The following ATRNL1 variants were observed in gnomAD, a reference collection of about 807,000 sequenced individuals.
The protein encoded by ATRNL1 is attractin-like protein 1.
In ATRNL1, 95 loss-of-function variants were observed where a neutral mutation model predicts 182.7. The observed-to-expected ratio is 0.52, with a 90% CI of 0.44 to 0.62. ATRNL1 has a LOEUF of 0.62. Among genes scored for constraint, ATRNL1 ranks in the 20% least tolerant of loss-of-function variants. The pLI, the probability that ATRNL1 is intolerant of heterozygous loss-of-function variation, is 0.00. For synonymous variants in ATRNL1, 576 were observed against 568.3 expected, an observed-to-expected ratio of 1.01 and a Z score of -0.19; for missense variants, 1,471 against 1,679.5, an observed-to-expected ratio of 0.88 and a Z score of 2.17.
chr10:115,919,996 T>C (rs1197811004), intron 28 of ATRNL1, among the ~76,000 whole-genome samples: 1 of 152,172 alleles, frequency 6.6e-6, no homozygotes, highest in Non-Finnish European at 1.5e-5. Flanking sequence ...ACACGTGGAT[T>C]TGGGGGAGAC....
At chr10:115,213,369 C>T (rs1447942293) in intron 8 of ATRNL1, among the ~76,000 whole-genome samples, 2 of 151,954 alleles carry the variant, frequency 1.3e-5, no homozygotes, top group Non-Finnish European at 2.9e-5. Context: ...TTGGCAGGTC[C>T]CTTTTGCTAG....
chr10:115,448,982 TGAG>T (rs1301706688), intron 21 of ATRNL1, among the ~76,000 whole-genome samples: 3 of 152,076 alleles, frequency 2.0e-5, no homozygotes, highest in Non-Finnish European at 4.4e-5. Flanking sequence ...TCCAAAAAGT[TGAG>T]GAGAAGGGAC....
chr10:115,265,288 C>T lies in ATRNL1; in HGVS notation c.1772+11C>T, dbSNP rs1554910224. On this transcript the variant is annotated intron_variant, in intron 11 of 28. Coordinates refer to ENST00000355044, the MANE Select transcript of ATRNL1 (RefSeq NM_207303.4). The stretch of plus-strand genomic sequence containing the variant: ...AGTAGTCATTAACGGGTAAAAGAAG[C>T]ACATTTCCAATTTTTAGAGGGTCAC... The T allele has an allele frequency of 6.4e-7, 1 of 1,558,156 alleles. No individual in the cohort carries two copies. Among genetic ancestry groups the T allele is most frequent in the Non-Finnish European group, 8.8e-7 (1 of 1,142,076 alleles).
intron 26 of ATRNL1, among the ~76,000 whole-genome samples, chr10:115,565,866 A>G (rs1555001596): frequency 6.6e-6 from 1 of 152,144 alleles, no homozygotes; most frequent in Admixed American, 6.6e-5. Context: ...TTATTGCCAT[A>G]AAATAACATT....
At chr10:115,212,745 G>A (rs139820650) in intron 8 of ATRNL1, among the ~76,000 whole-genome samples, 1,786 of 152,112 alleles carry the variant, frequency 0.012, 34 homozygotes, top group African/African-American at 0.04. Context: ...ATTAACACAG[G>A]AACAGAAAAC....
chr10:115,589,503 T>C (rs1855776656), intron 26 of ATRNL1, among the ~76,000 whole-genome samples: 1 of 152,166 alleles, frequency 6.6e-6, no homozygotes, highest in South Asian at 2.1e-4. Flanking sequence ...ACAGTAATTG[T>C]ATTAGAGTTC....
intron 19 of ATRNL1, among the ~76,000 whole-genome samples, chr10:115,379,019 A>G (rs1857833541): frequency 2.0e-5 from 3 of 151,970 alleles, no homozygotes; most frequent in African/African-American, 7.2e-5. Flanking sequence ...CTTTGGTTTT[A>G]TGTTTCTAAA....
intron 28 of ATRNL1, among the ~76,000 whole-genome samples, chr10:115,897,430 G>A (rs935861273): frequency 6.6e-6 from 1 of 152,148 alleles, no homozygotes; most frequent in African/African-American, 2.4e-5. Context: ...CAAGGGTATT[G>A]ATTTCAGCTT....
chr10:115,362,515 CA>C (rs1856796766), intron 19 of ATRNL1, among the ~76,000 whole-genome samples: 5 of 141,158 alleles, frequency 3.5e-5, no homozygotes, highest in South Asian at 2.1e-4. Context: ...GTATGCAGTA[CA>C]TTGTTTTTTT....
intron 26 of ATRNL1, among the ~76,000 whole-genome samples, chr10:115,719,324 A>T (rs1326396035): frequency 6.6e-6 from 1 of 152,134 alleles, no homozygotes; most frequent in African/African-American, 2.4e-5. Flanking sequence ...ACAAAATGAG[A>T]TATGTGATCA....
At chr10:115,941,633 G>A (rs7902364) in intron 28 of ATRNL1, among the ~76,000 whole-genome samples, 23,099 of 152,084 alleles carry the variant, frequency 0.15, 1,976 homozygotes, top group Middle Eastern at 0.24. Context: ...CACATTAAAG[G>A]AGACATGTAT....
At chr10:115,622,347 A>G (rs1196594644) in intron 26 of ATRNL1, among the ~76,000 whole-genome samples, 1 of 152,178 alleles carries the variant, frequency 6.6e-6, no homozygotes, top group Non-Finnish European at 1.5e-5. Context: ...TTCATTATGG[A>G]GACAGTGTTA....
intron 26 of ATRNL1, among the ~76,000 whole-genome samples, chr10:115,552,128 G>C (rs1351672170): frequency 1.3e-5 from 2 of 151,276 alleles, no homozygotes; most frequent in Non-Finnish European, 3.0e-5. Context: ...TATTTAAAGG[G>C]GAACTACTGT....
At chr10:115,834,899 C>T (rs1358498497) in intron 27 of ATRNL1, among the ~76,000 whole-genome samples, 1 of 152,134 alleles carries the variant, frequency 6.6e-6, no homozygotes, top group African/African-American at 2.4e-5. Flanking sequence ...GTTTTTACAA[C>T]TAAGATGACA....
chr10:115,235,314 A>T (rs1554901132), intron 9 of ATRNL1, among the ~76,000 whole-genome samples: 2 of 152,198 alleles, frequency 1.3e-5, no homozygotes, highest in Non-Finnish European at 2.9e-5. Flanking sequence ...TATATTCATA[A>T]TATTGTGCAA....
chr10:115,709,684 A>G (rs1555053979), intron 26 of ATRNL1, among the ~76,000 whole-genome samples: 2 of 151,998 alleles, frequency 1.3e-5, no homozygotes, highest in South Asian at 4.1e-4. Flanking sequence ...GAAGGATAAA[A>G]GGGTACATTT....
intron 20 of ATRNL1, among the ~76,000 whole-genome samples, chr10:115,421,684 A>G (rs1300947769): frequency 6.6e-6 from 1 of 152,154 alleles, no homozygotes; most frequent in African/African-American, 2.4e-5. Flanking sequence ...TTACATAATT[A>G]GAAAAAATTA....
At chr10:115,491,419 CT>C (rs34792755) in intron 24 of ATRNL1, among the ~76,000 whole-genome samples, 6 of 149,474 alleles carry the variant, frequency 4.0e-5, no homozygotes, top group South Asian at 2.1e-4. Flanking sequence ...GGGCTGCTGC[CT>C]TTTTTTTTTC....
intron 26 of ATRNL1, among the ~76,000 whole-genome samples, chr10:115,721,146 G>T (rs2134043831): frequency 6.6e-6 from 1 of 152,246 alleles, no homozygotes; most frequent in South Asian, 2.1e-4. Context: ...GGTTCTGTGA[G>T]GTTCCTGCCA....
Sources: gnomAD v4.1 joint callset for allele counts (sites outside exome capture counted in the v4.1 genomes callset) on GRCh38, gnomAD v4.1.1 for gene constraint, MANE v1.5 for transcripts, NCBI Gene and HGNC (gene_info 2026-07-23, HGNC 2026-07-21) for gene names.